The following MARK1 variants were observed in gnomAD, a reference collection of about 807,000 sequenced individuals.
The protein encoded by MARK1 is serine/threonine-protein kinase MARK1.
MARK1 carries 40 observed loss-of-function variants against 96.3 expected under a neutral mutation model. The ratio of observed to expected loss-of-function variants is 0.42; its 90% CI spans 0.32 to 0.54. MARK1 has a LOEUF of 0.54. Among genes scored for constraint, MARK1 ranks in the 20% least tolerant of loss-of-function variants. The pLI, the probability that MARK1 is intolerant of heterozygous loss-of-function variation, is 0.16. For missense variants in MARK1, 719 were observed against 984.6 expected (o/e 0.73, Z 3.61); for synonymous variants, 317 against 341.2 (o/e 0.93, Z 0.78).
At chr1:220,533,011 T>TAA (rs80225416) in intron 1 of MARK1, among the ~76,000 whole-genome samples, 1,685 of 111,862 alleles carry the variant, frequency 0.015, 25 homozygotes, top group African/African-American at 0.049. Flanking sequence ...ACCCTTTTTT[T>TAA]TAAAAAAAAA....
chr1:220,641,537 T>C (rs1020252379), intron 13 of MARK1, among the ~76,000 whole-genome samples: 2 of 152,148 alleles, frequency 1.3e-5, no homozygotes, highest in Non-Finnish European at 2.9e-5. Flanking sequence ...ATGATATTTT[T>C]TTATAGCAGC....
intron 1 of MARK1, among the ~76,000 whole-genome samples, chr1:220,538,000 T>A (rs1384785692): frequency 6.6e-6 from 1 of 152,222 alleles, no homozygotes; most frequent in Non-Finnish European, 1.5e-5. Flanking sequence ...TTTTGTCAGA[T>A]GAGTAGGTTG....
intron 1 of MARK1, among the ~76,000 whole-genome samples, chr1:220,574,765 A>G (rs1380869343): frequency 6.6e-6 from 1 of 151,866 alleles, no homozygotes; most frequent in African/African-American, 2.4e-5. Flanking sequence ...GAACTTCCCT[A>G]CTCCTTTAAT....
At position 220,528,152 on chromosome 1, in the gene MARK1, C is replaced by G. The variant is rs1014719647; in HGVS notation, c.-671C>G. On this transcript the variant is annotated 5_prime_UTR_variant, in exon 1 of 18. Transcript: ENST00000366917. ...CGCCCGCCCACCCGGCGGCGGCCGC[C>G]AAGTGCCTCTGGGCGCTGCGTGCCG... is the stretch of plus-strand genomic sequence containing the variant. 47 of 150,788 alleles carry G rather than the reference C, an allele frequency of 3.1e-4. No individual in the cohort carries two copies. The highest frequency in any genetic ancestry group is 1.1e-3 in the African/African-American group (45 of 41,334). 9.3% of individuals were successfully genotyped at this position (150,788 alleles called of 1,614,324 possible).
intron 17 of MARK1, among the ~76,000 whole-genome samples, chr1:220,658,414 G>A (rs999815902): frequency 3.3e-5 from 5 of 152,146 alleles, no homozygotes; most frequent in African/African-American, 1.2e-4. Flanking sequence ...CACTCCCAGG[G>A]TTTCTGATTC....
At chr1:220,635,673 T>C (rs1357639258) in intron 12 of MARK1, 144 bp downstream of exon 12, 1 of 1,162,174 alleles carries the variant, frequency 8.6e-7, no homozygotes. Context: ...ATATAATCCC[T>C]TTTGCAGGGA....
chr1:220,603,952 C>T, intron 5 of MARK1, 115 bp from the exon 6 acceptor site: 1 of 547,156 alleles, frequency 1.8e-6, no homozygotes, highest in East Asian at 3.0e-5. Flanking sequence ...CATAAACTAG[C>T]AGAAAATTGT....
In MARK1 at chr1:220,543,477, C is replaced by A. The variant is rs1264225172; in HGVS notation, c.51+14604C>A. ...ATTCATATGTAATTTATTAGCATTT[C>A]TATGGGAATGCATACTTACACATTT... On this transcript the variant is annotated intron_variant, in intron 1 of 17. Transcript: ENST00000366917. 3.3e-5 allele frequency among the ~76,000 whole-genome samples: 5 copies of A among 152,240 alleles called. No individual in the cohort carries two copies. The East Asian group carries it at 7.7e-4, about 23-fold the overall frequency.
At chr1:220,626,209 GC>G (rs1315846970) in intron 9 of MARK1, 1 of 554,566 alleles carries the variant, frequency 1.8e-6, no homozygotes, top group African/African-American at 1.9e-5. Context: ...CATTGTCTTG[GC>G]CATCCTGGAA....
At chr1:220,657,021 C>G (rs1245418801) in intron 16 of MARK1, among the ~76,000 whole-genome samples, 4 of 152,082 alleles carry the variant, frequency 2.6e-5, no homozygotes, top group Non-Finnish European at 4.4e-5. Context: ...ACAGTATTAA[C>G]TTAAGGATTC....
chr1:220,644,006 T>C (rs1668436425), intron 13 of MARK1, among the ~76,000 whole-genome samples: 1 of 152,068 alleles, frequency 6.6e-6, no homozygotes, highest in Non-Finnish European at 1.5e-5. Context: ...AGCAACTACG[T>C]TAACAAGTCT....
At chr1:220,611,106 G>A (rs1046788214) in intron 6 of MARK1, among the ~76,000 whole-genome samples, 3 of 152,106 alleles carry the variant, frequency 2.0e-5, no homozygotes, top group Admixed American at 6.5e-5. Flanking sequence ...TGCTCTCTTC[G>A]GAGCTGTCAG....
At chr1:220,623,531 C>A (rs1572191268) in intron 9 of MARK1, among the ~76,000 whole-genome samples, 1 of 152,118 alleles carries the variant, frequency 6.6e-6, no homozygotes, top group East Asian at 1.9e-4. Flanking sequence ...TGTTGTGAGA[C>A]AAACTCCTTA....
chr1:220,646,627 G>A (rs762605658), intron 13 of MARK1, among the ~76,000 whole-genome samples: 3 of 152,112 alleles, frequency 2.0e-5, no homozygotes, highest in African/African-American at 4.8e-5. Flanking sequence ...CAAAGCCAGA[G>A]GCATCACGCT....
intron 16 of MARK1, 71 bp downstream of exon 16, chr1:220,653,423 A>T: frequency 6.9e-7 from 1 of 1,443,334 alleles, no homozygotes; most frequent in Non-Finnish European, 9.3e-7. Context: ...TTTTAAAAAA[A>T]TCTTTATAAT....
At chr1:220,555,866 A>G (rs1456839523) in intron 1 of MARK1, among the ~76,000 whole-genome samples, 5 of 152,232 alleles carry the variant, frequency 3.3e-5, no homozygotes, top group Admixed American at 1.3e-4. Flanking sequence ...TATAGCCAGG[A>G]AAAAGGGGAG....
At position 220,533,155 on chromosome 1, in the gene MARK1, T is replaced by C. The variant is rs577764876; in HGVS notation, c.51+4282T>C. Among the ~76,000 whole-genome samples the C allele has an allele frequency of 8.5e-5, 13 of 152,334 alleles. No individual in the cohort carries two copies. In the South Asian group the frequency reaches 2.5e-3, roughly 29 times the overall value. On this transcript the variant is annotated intron_variant, in intron 1 of 17. Coordinates refer to ENST00000366917, the MANE Select transcript of MARK1 (RefSeq NM_018650.5). ...AGTGCCTTGCACTTGTCCCTTCATA[T>C]CAAATTTACAAATCCTTTATGGCTT...
intron 1 of MARK1, among the ~76,000 whole-genome samples, chr1:220,560,528 T>G (rs1572081493): frequency 1.3e-5 from 2 of 152,162 alleles, no homozygotes; most frequent in African/African-American, 2.4e-5. Flanking sequence ...CTTGGACCAT[T>G]ACGAAGTAAA....
intron 3 of MARK1, among the ~76,000 whole-genome samples, chr1:220,589,257 A>G (rs1664834340): frequency 6.6e-6 from 1 of 152,196 alleles, no homozygotes; most frequent in African/African-American, 2.4e-5. Flanking sequence ...TTTGGGTGTA[A>G]CTAGAATGAC....
Sources: allele counts gnomAD v4.1 joint callset (sites outside exome capture counted in the v4.1 genomes callset), GRCh38; gene constraint gnomAD v4.1.1; transcripts MANE v1.5; gene names NCBI Gene and HGNC (gene_info 2026-07-23, HGNC 2026-07-21).